Variants in PKD2 observed in about 807,000 individuals in gnomAD.
PKD2 encodes the protein polycystin 2, transient receptor potential cation channel.
Under a neutral mutation model 105.9 loss-of-function variants are expected in PKD2, and 48 were observed. That is an observed-to-expected ratio of 0.45 (90% CI 0.36 to 0.58). The LOEUF (loss-of-function observed/expected upper bound fraction) is 0.58, where lower values mean the gene tolerates loss of function less well. PKD2 is among the 20% of genes least tolerant of loss of function. The pLI is 0.00. For synonymous variants in PKD2, 464 were observed against 481.1 expected (o/e 0.96, Z 0.46); for missense variants, 1,078 against 1,255.3 (o/e 0.86, Z 2.13).
chr4:88,065,298 C>G (rs756670068), intron 10 of PKD2, 76 bp from the exon 11 acceptor site: 1 of 1,323,898 alleles, frequency 7.6e-7, no homozygotes, highest in Non-Finnish European at 1.1e-6. Flanking sequence ...GTAGTTACTA[C>G]TGTGAATGGA....
chr4:88,025,065 G>A (rs565889966), intron 2 of PKD2, among the ~76,000 whole-genome samples: 2 of 152,146 alleles, frequency 1.3e-5, no homozygotes, highest in African/African-American at 2.4e-5. Context: ...CCTTAAACCC[G>A]GGAGGTGGAG....
intron 10 of PKD2, among the ~76,000 whole-genome samples, chr4:88,064,030 C>A (rs905671395): frequency 6.6e-6 from 1 of 152,168 alleles, no homozygotes; most frequent in African/African-American, 2.4e-5. Context: ...TGGTGCACAC[C>A]TGTAATTCCA....
chr4:88,073,532 A>G (rs1331803310), intron 13 of PKD2, among the ~76,000 whole-genome samples: 2 of 152,062 alleles, frequency 1.3e-5, no homozygotes, highest in Admixed American at 6.5e-5. Flanking sequence ...TCTCAAAAAA[A>G]AAAAAAGAGT....
intron 4 of PKD2, 62 bp downstream of exon 4, chr4:88,038,563 CCATT>C (rs1162799712): frequency 5.1e-5 from 78 of 1,531,994 alleles, no homozygotes; most frequent in Non-Finnish European, 6.3e-5. Flanking sequence ...TGAACTCCCA[CCATT>C]CATTCATTCA....
Position 88,036,261 on chromosome 4 carries a change from C to T in PKD2, c.751C>T (p.Arg251Trp), listed in dbSNP as rs759089019. The T allele has an allele frequency of 2.9e-5, 47 of 1,613,498 alleles. No individual in the cohort carries two copies. Among genetic ancestry groups the T allele is most frequent in the Non-Finnish European group, 3.7e-5 (44 of 1,179,640 alleles). The change falls in exon 3 of 15, where the codon CGG becomes TGG. Residue 251 changes from arginine to tryptophan, a missense_variant. Around this residue, in one of 2 missense-constraint regions of PKD2, gnomAD observed 868 missense variants for 1,067.3 expected, o/e 0.81. Coordinates refer to ENST00000237596, the MANE Select transcript of PKD2 (RefSeq NM_000297.4). Reference sequence around the variant, plus strand: ...GAGCTCCAATGTGTACTACTACACCCGGATGATGTCACAGCTCTTCCTAGA... The same window carrying T: ...GAGCTCCAATGTGTACTACTACACCTGGATGATGTCACAGCTCTTCCTAGA... ...MMSSNVYYYT[R>W]MMSQLFLDTP...
intron 2 of PKD2, among the ~76,000 whole-genome samples, chr4:88,031,203 G>A (rs1291518343): frequency 2.6e-5 from 4 of 152,216 alleles, no homozygotes; most frequent in Non-Finnish European, 4.4e-5. Flanking sequence ...CTAGCCTAAT[G>A]TAAGTATTCT....
intron 9 of PKD2, among the ~76,000 whole-genome samples, chr4:88,059,769 A>ATACC (rs1720500745): frequency 6.6e-6 from 1 of 152,108 alleles, no homozygotes; most frequent in African/African-American, 2.4e-5. Context: ...ACATACATAC[A>ATACC]TACATACATA....
intron 10 of PKD2, 49 bp downstream of exon 10, chr4:88,062,053 G>T (rs1352644141): frequency 2.2e-6 from 2 of 927,110 alleles, no homozygotes; most frequent in South Asian, 2.6e-5. Context: ...GACATAAAAT[G>T]AGCATTGTTT....
intron 2 of PKD2, among the ~76,000 whole-genome samples, chr4:88,035,727 G>T (rs1238942622): frequency 6.6e-6 from 1 of 152,192 alleles, no homozygotes; most frequent in African/African-American, 2.4e-5. Flanking sequence ...GCACAGAACA[G>T]GGCAGAGAAG....
At chr4:88,065,287 A>G (rs941685265) in intron 10 of PKD2, 87 bp from the exon 11 acceptor site, 5 of 1,148,206 alleles carry the variant, frequency 4.4e-6, no homozygotes, top group Admixed American at 3.4e-5. Flanking sequence ...CCAGGTTTGT[A>G]GTAGTTACTA....
chr4:88,019,027 TATA>T (rs1726656682), intron 1 of PKD2, among the ~76,000 whole-genome samples: 1 of 152,246 alleles, frequency 6.6e-6, no homozygotes, highest in South Asian at 2.1e-4. Flanking sequence ...TTACTTGAAA[TATA>T]ATTACATCAT....
chr4:88,054,078 TAATC>T (rs1275429251), intron 7 of PKD2, among the ~76,000 whole-genome samples: 2 of 151,758 alleles, frequency 1.3e-5, no homozygotes, highest in Non-Finnish European at 2.9e-5. Flanking sequence ...TTAATAATAA[TAATC>T]AAGATAGTAA....
chr4:88,056,083 C>T lies in PKD2; in HGVS notation c.1717-3C>T, dbSNP rs1720318476. ...ATCTATTGATGTCTTCTCTCTCTTA[C>T]AGCTCTTCAAATTCATCAATTTTAA... On this transcript the variant is annotated splice_region_variant and splice_polypyrimidine_tract_variant and intron_variant, in intron 7 of 14. Transcript: ENST00000237596. 1.3e-6 allele frequency: 2 copies of T among 1,598,848 alleles called. No individual in the cohort carries two copies. Among genetic ancestry groups the T allele is most frequent in the Non-Finnish European group, 1.7e-6 (2 of 1,166,280 alleles).
intron 13 of PKD2, among the ~76,000 whole-genome samples, chr4:88,072,341 A>T (rs1490326926): frequency 6.6e-6 from 1 of 152,066 alleles, no homozygotes; most frequent in African/African-American, 2.4e-5. Flanking sequence ...CTCTCTGGTG[A>T]ACTAGCTGGT....
Position 88,024,479 on chromosome 4 carries a change from A to AAAAG in PKD2, c.709+4919_709+4922dup, listed in dbSNP as rs1402601692. 1.6e-3 allele frequency among the ~76,000 whole-genome samples: 226 copies of AAAAG among 139,002 alleles called. 6 individuals are homozygous for AAAAG. Among genetic ancestry groups the AAAAG allele is most frequent in the East Asian group, 3.9e-3 (16 of 4,148 alleles). The allele number at this position is 139,002 out of a possible 152,430, so 91.2% of individuals were successfully genotyped here. On this transcript the variant is annotated intron_variant, in intron 2 of 14. Coordinates refer to ENST00000237596, the MANE Select transcript of PKD2 (RefSeq NM_000297.4). ...CTCGAAAAAAAAAAAAAAAAAAAAAAAAAGAAAGAAAGAAGGAAGGAAGGA... is the reference window on the plus strand; with the variant it reads ...CTCGAAAAAAAAAAAAAAAAAAAAAAAAAGAAAGAAAGAAAGAAGGAAGGAAGGA...
intron 2 of PKD2, among the ~76,000 whole-genome samples, chr4:88,027,658 T>C (rs898990430): frequency 1.4e-4 from 21 of 152,178 alleles, no homozygotes; most frequent in Non-Finnish European, 2.6e-4. Flanking sequence ...AGGGGTAGAA[T>C]GATATGGTTT....
At chr4:88,069,255 C>A (rs1033230051) in intron 13 of PKD2, among the ~76,000 whole-genome samples, 7 of 151,994 alleles carry the variant, frequency 4.6e-5, no homozygotes, top group African/African-American at 1.2e-4. Flanking sequence ...TTGACAATTT[C>A]TGTTTTTGAT....
rs561523475 is a variant in PKD2 at position 88,019,136 on chromosome 4, G to T, written c.596-322G>T. The stretch of plus-strand genomic sequence containing the variant: ...TTTTGCACAATTATTTAACTCCTCT[G>T]TTAGGCCTTCCTTATTTCCTGTTCT... On this transcript the variant is annotated intron_variant, in intron 1 of 14. Transcript: ENST00000237596. 2.6e-5 allele frequency among the ~76,000 whole-genome samples: 4 copies of T among 152,242 alleles called. No individual in the cohort carries two copies. In the South Asian group the frequency reaches 6.2e-4, roughly 24 times the overall value.
At chr4:88,016,587 A>G (rs183937713) in intron 1 of PKD2, among the ~76,000 whole-genome samples, 2 of 152,316 alleles carry the variant, frequency 1.3e-5, no homozygotes, top group African/African-American at 4.8e-5. Context: ...TTGGTCCTAC[A>G]TACACACCCA....
Sources: allele counts gnomAD v4.1 joint callset (sites outside exome capture counted in the v4.1 genomes callset), GRCh38; gene constraint gnomAD v4.1.1; regional missense constraint gnomAD v4.1.1; transcripts MANE v1.5; gene names NCBI Gene and HGNC (gene_info 2026-07-23, HGNC 2026-07-21).